The following NUMB variants were observed in gnomAD, a reference collection of about 807,000 sequenced individuals.
The protein encoded by NUMB is protein numb homolog.
Under a neutral mutation model 59.7 loss-of-function variants are expected in NUMB, and 29 were observed. The observed-to-expected ratio is 0.49, with a 90% CI of 0.36 to 0.66. The LOEUF is 0.66. NUMB is among the 30% of genes least tolerant of loss of function. The probability of loss-of-function intolerance (pLI) is 0.00; values close to 1 mark genes in which losing one functional copy is unlikely to be tolerated. For missense variants in NUMB, 723 were observed against 822.0 expected (o/e 0.88, Z 1.47); for synonymous variants, 288 against 288.2 (o/e 1.00, Z 0.01).
chr14:73,371,808 A>G (rs1248635166), intron 2 of NUMB, among the ~76,000 whole-genome samples: 1 of 152,174 alleles, frequency 6.6e-6, no homozygotes, highest in Non-Finnish European at 1.5e-5. Context: ...TCTCCGGAAC[A>G]GACAACTGGA....
Position 73,279,404 on chromosome 14 carries a change from A to G in NUMB, c.1117T>C (p.Phe373Leu), listed in dbSNP as rs1197018894. The G allele has an allele frequency of 6.3e-7, 1 of 1,593,962 alleles. No homozygotes were observed. Among genetic ancestry groups the G allele is most frequent in the African/African-American group, 1.3e-5 (1 of 74,390 alleles). The change falls in exon 12 of 13, where the codon TTC becomes CTC. Residue 373 changes from phenylalanine (F) to leucine (L), a missense_variant. Phe to Leu is a conservative substitution (Grantham distance 22, BLOSUM62 0). Transcript: ENST00000555238. Reference protein sequence around the residue: ...TFQANGTDSAFHVLAKPAHTA... With the variant: ...TFQANGTDSALHVLAKPAHTA... ...TGGGCTGGCTTAGCAAGCACATGGA[A>G]GGCTGAGTCAGTGCCATTAGCTACA...
chr14:73,454,066 C>CA (rs1555385141), intron 1 of NUMB, among the ~76,000 whole-genome samples: 5 of 149,926 alleles, frequency 3.3e-5, no homozygotes, highest in African/African-American at 1.2e-4. Flanking sequence ...AAAAGTTGGG[C>CA]GGGGGGGGAA....
At chr14:73,336,394 C>T (rs374553659) in intron 4 of NUMB, among the ~76,000 whole-genome samples, 1 of 152,118 alleles carries the variant, frequency 6.6e-6, no homozygotes, top group Non-Finnish European at 1.5e-5. Flanking sequence ...ATTTTCATCA[C>T]GAGAGAATGA....
At chr14:73,300,779 A>G (rs906630780) in intron 6 of NUMB, among the ~76,000 whole-genome samples, 9 of 152,154 alleles carry the variant, frequency 5.9e-5, no homozygotes, top group Non-Finnish European at 2.9e-5. Context: ...TACATTAGGT[A>G]TATCTCCTAA....
chr14:73,452,676 C>T (rs866453458), intron 1 of NUMB, among the ~76,000 whole-genome samples: 1 of 152,154 alleles, frequency 6.6e-6, no homozygotes, highest in Non-Finnish European at 1.5e-5. Flanking sequence ...ATCCCATACT[C>T]CACTGGAGAG....
chr14:73,407,271 G>C (rs1016855975), intron 2 of NUMB, among the ~76,000 whole-genome samples: 2 of 152,038 alleles, frequency 1.3e-5, no homozygotes, highest in Non-Finnish European at 2.9e-5. Flanking sequence ...GGGCAATACA[G>C]CAAAACCCCA....
chr14:73,337,043 C>T (rs1283872556), intron 4 of NUMB, among the ~76,000 whole-genome samples: 4 of 151,652 alleles, frequency 2.6e-5, no homozygotes, highest in Admixed American at 6.6e-5. Context: ...ACCAGCCTGG[C>T]CAACATGGTG....
intron 1 of NUMB, among the ~76,000 whole-genome samples, chr14:73,451,612 T>G (rs1257189568): frequency 6.6e-6 from 1 of 152,042 alleles, no homozygotes; most frequent in African/African-American, 2.4e-5. Context: ...ATAAAATAAA[T>G]TAAGTAAATA....
chr14:73,351,606 A>T (rs1047909446), intron 4 of NUMB, among the ~76,000 whole-genome samples: 2 of 152,198 alleles, frequency 1.3e-5, no homozygotes, highest in African/African-American at 4.8e-5. Context: ...AAGATGAAAA[A>T]GTTCTGGAGA....
chr14:73,368,077 T>C (rs893135616), intron 2 of NUMB, among the ~76,000 whole-genome samples: 16 of 152,120 alleles, frequency 1.1e-4, no homozygotes, highest in Non-Finnish European at 1.6e-4. Flanking sequence ...GGAATTTGTT[T>C]TGCATATTTA....
At chr14:73,354,605 C>T (rs1172490052) in intron 4 of NUMB, among the ~76,000 whole-genome samples, 2 of 151,010 alleles carry the variant, frequency 1.3e-5, no homozygotes, top group East Asian at 1.9e-4. Flanking sequence ...GCGGGAGGAT[C>T]GCCTGAAGTC....
At position 73,282,579 on chromosome 14, in the gene NUMB, T is replaced by G. The variant is rs1354595880; in HGVS notation, c.950-74A>C. The G allele has an allele frequency of 1.5e-5, 23 of 1,485,740 alleles. No individual in the cohort carries two copies. The East Asian group carries it at 5.0e-4, about 32-fold the overall frequency. 92.0% of individuals were successfully genotyped at this position (1,485,740 alleles called of 1,614,324 possible). Reference sequence around the variant, plus strand: ...TGAAATTTGACAGTATGATGCAAGCTGGCACTTTATACTGTATCTCCTGCT... The same window carrying G: ...TGAAATTTGACAGTATGATGCAAGCGGGCACTTTATACTGTATCTCCTGCT... On this transcript the variant is annotated intron_variant, in intron 10 of 12. Transcript: ENST00000555238.
chr14:73,447,285 G>A (rs1431415764), intron 1 of NUMB, among the ~76,000 whole-genome samples: 3 of 150,658 alleles, frequency 2.0e-5, no homozygotes, highest in Non-Finnish European at 4.4e-5. Context: ...TCAGGAGTTC[G>A]AGACCAGACT....
At chr14:73,298,757 T>C (rs1287781655) in intron 6 of NUMB, 3 of 152,226 alleles carry the variant, frequency 2.0e-5, no homozygotes, top group African/African-American at 7.2e-5. Context: ...AAACTTGATA[T>C]GAGGACATGG....
chr14:73,431,540 A>G (rs1021790060), intron 1 of NUMB, among the ~76,000 whole-genome samples: 14 of 151,402 alleles, frequency 9.2e-5, no homozygotes, highest in African/African-American at 3.4e-4. Flanking sequence ...TGAGGTCAGG[A>G]GTTCGAGATC....
At chr14:73,421,552 A>G (rs1057060138) in intron 1 of NUMB, among the ~76,000 whole-genome samples, 1 of 152,196 alleles carries the variant, frequency 6.6e-6, no homozygotes, top group Non-Finnish European at 1.5e-5. Context: ...TCATATTATT[A>G]CGGAAATAGA....
rs576055422 is a variant in NUMB, at chr14:73,446,468, G to A, written c.-233+12025C>T. Among the ~76,000 whole-genome samples, 1,453 of 152,078 alleles carry A rather than the reference G, an allele frequency of 9.6e-3. 28 individuals carry two copies. Among genetic ancestry groups the A allele is most frequent in the African/African-American group, 0.033 (1,354 of 41,514 alleles). ...TAAAAAATACAAAAATTAGCCAGGCGTGGTGGCACACCCTGTAATCCCAGC... is the reference window on the plus strand; with the variant it reads ...TAAAAAATACAAAAATTAGCCAGGCATGGTGGCACACCCTGTAATCCCAGC... On this transcript the variant is annotated intron_variant, in intron 1 of 12. Transcript: ENST00000555238.
chr14:73,359,413 A>G (rs1010916253), intron 3 of NUMB, among the ~76,000 whole-genome samples: 2 of 152,210 alleles, frequency 1.3e-5, no homozygotes, highest in African/African-American at 4.8e-5. Flanking sequence ...CCATCACCCC[A>G]AACTCCACAA....
intron 4 of NUMB, among the ~76,000 whole-genome samples, chr14:73,344,446 T>C (rs1431807555): frequency 6.6e-6 from 1 of 152,234 alleles, no homozygotes; most frequent in African/African-American, 2.4e-5. Context: ...TCTAGCACAA[T>C]GGCAGTCCTT....
Sources: gnomAD v4.1 joint callset for allele counts (sites outside exome capture counted in the v4.1 genomes callset) on GRCh38, gnomAD v4.1.1 for gene constraint, MANE v1.5 for transcripts, NCBI Gene and HGNC (gene_info 2026-07-23, HGNC 2026-07-21) for gene names.